Variants in TNPO1 observed in about 807,000 individuals in gnomAD.
The protein encoded by TNPO1 is transportin 1.
Under a neutral mutation model 119.5 loss-of-function variants are expected in TNPO1, and 8 were observed. That is an observed-to-expected ratio of 0.07 (90% CI 0.04 to 0.12). TNPO1 has a LOEUF of 0.12. Among genes scored for constraint, TNPO1 ranks in the 10% least tolerant of loss-of-function variants. The pLI is 1.00. For missense variants in TNPO1, 576 were observed against 1,089.8 expected, an observed-to-expected ratio of 0.53 and a Z score of 6.64; for synonymous variants, 362 against 363.0, an observed-to-expected ratio of 1.00 and a Z score of 0.03.
intron 1 of TNPO1, 176 bp from the exon 2 acceptor site, chr5:72,848,209 C>T (rs1745232293): frequency 7.3e-6 from 9 of 1,240,894 alleles, no homozygotes; most frequent in Non-Finnish European, 9.1e-6. Flanking sequence ...GCAGTTCCGC[C>T]GGGTTTCACT....
intron 6 of TNPO1, among the ~76,000 whole-genome samples, chr5:72,868,364 G>A (rs937389101): frequency 5.0e-5 from 7 of 139,172 alleles, no homozygotes; most frequent in African/African-American, 1.6e-4. Flanking sequence ...CCTGGGAGAC[G>A]GAGCTTGCAG....
rs944424967 is a variant in TNPO1, at chr5:72,912,327, C to A, written c.*3654C>A. 6.6e-6 allele frequency: 1 copy of A among 152,366 alleles called. No homozygotes were observed. Among genetic ancestry groups the A allele is most frequent in the African/African-American group, 2.4e-5 (1 of 41,394 alleles). 9.4% of individuals were successfully genotyped at this position (152,366 alleles called of 1,614,324 possible). A position where few individuals can be genotyped will look rare whatever the true frequency, so the allele number is the denominator to read the frequency against. ...TTTTGGTTAAGACTTTTTCATTGAT[C>A]TGAATTGCTTAAATTGCATATATTG... is the stretch of plus-strand genomic sequence containing the variant. On this transcript the variant is annotated 3_prime_UTR_variant, in exon 25 of 25. Transcript: ENST00000337273.
chr5:72,864,671 C>T (rs184586737), intron 5 of TNPO1, among the ~76,000 whole-genome samples: 13 of 151,978 alleles, frequency 8.6e-5, no homozygotes, highest in Admixed American at 2.6e-4. Flanking sequence ...TGCAGTGGTG[C>T]CATCTCGGCC....
rs752256428 is a variant in TNPO1 at position 72,887,144 on chromosome 5, C to G, written c.1225C>G (p.Leu409Val). 5.0e-6 allele frequency: 8 copies of G among 1,613,902 alleles called. No homozygotes were observed. The highest frequency in any genetic ancestry group is 1.3e-5 in the African/African-American group (1 of 75,010). The part of the protein sequence containing the change: ...RDELLPHILP[L>V]LKELLFHHEW... Reference sequence around the variant, plus strand: ...TGAACTGCTGCCACATATTTTGCCCCTTTTGAAAGAATTACTTTTTCATCA... The same window carrying G: ...TGAACTGCTGCCACATATTTTGCCCGTTTTGAAAGAATTACTTTTTCATCA... Residue 409 changes from leucine (L) to valine (V), a missense_variant, in exon 12 of 25, where the codon CTT becomes GTT. Physicochemically the swap from Leu to Val is conservative, Grantham distance 32 (BLOSUM62 1). Transcript: ENST00000337273.
chr5:72,905,867 A>T (rs1346882234), intron 24 of TNPO1, among the ~76,000 whole-genome samples: 4 of 152,238 alleles, frequency 2.6e-5, no homozygotes, highest in African/African-American at 9.6e-5. Context: ...AGTGCACTCC[A>T]GCCTAGGGGA....
In TNPO1 at chr5:72,911,188, T is replaced by C. The variant is rs1373111973; in HGVS notation, c.*2515T>C. 6.6e-6 allele frequency: 1 copy of C among 152,098 alleles called. No homozygotes were observed. Among genetic ancestry groups the C allele is most frequent in the Non-Finnish European group, 1.5e-5 (1 of 67,948 alleles). 9.4% of individuals were successfully genotyped at this position (152,098 alleles called of 1,614,324 possible). ...AACACATAACAATCTTCAGTAAAGT[T>C]ATTTGAACCTGTGGTTGACAATTCT... On this transcript the variant is annotated 3_prime_UTR_variant, in exon 25 of 25. Transcript: ENST00000337273.
intron 12 of TNPO1, among the ~76,000 whole-genome samples, 160 bp downstream of exon 12, chr5:72,887,382 G>A (rs1748728715): frequency 6.6e-6 from 1 of 152,122 alleles, no homozygotes; most frequent in Admixed American, 6.5e-5. Context: ...TTTGCAAAAT[G>A]TTTTTGTTAT....
chr5:72,883,119 G>A lies in TNPO1; in HGVS notation c.1037G>A (p.Arg346His), dbSNP rs1748369842. 3.1e-6 allele frequency: 5 copies of A among 1,613,900 alleles called. No homozygotes were observed. Among genetic ancestry groups the A allele is most frequent in the East Asian group, 2.2e-5 (1 of 44,894 alleles). The change falls in exon 11 of 25, where the codon CGT becomes CAT. Residue 346 changes from arginine to histidine, a missense_variant. Transcript: ENST00000337273. ...IPDSEQDIRP[R>H]FHRSRTVAQQ... The stretch of plus-strand genomic sequence containing the variant: ...GATAGTGAACAGGATATACGGCCAC[G>A]TTTTCACCGATCGAGGACGGTGGCT...
At chr5:72,839,263 AT>A (rs1744815023) in intron 1 of TNPO1, among the ~76,000 whole-genome samples, 1 of 152,176 alleles carries the variant, frequency 6.6e-6, no homozygotes. Context: ...GTGTAGGCTT[AT>A]TAGAAGAGTT....
intron 5 of TNPO1, among the ~76,000 whole-genome samples, chr5:72,864,644 T>C (rs1035391177): frequency 6.6e-6 from 1 of 152,190 alleles, no homozygotes; most frequent in South Asian, 2.1e-4. Context: ...AGTTTTGCTT[T>C]GTCACCCAGG....
intron 4 of TNPO1, among the ~76,000 whole-genome samples, chr5:72,859,253 T>C (rs1580407934): frequency 6.6e-6 from 1 of 152,154 alleles, no homozygotes. Flanking sequence ...AATTCTTTGT[T>C]GTTGGGCTAT....
In TNPO1 at chr5:72,883,414, C is replaced by G. The variant is rs527774309; in HGVS notation, c.1150+182C>G. The stretch of plus-strand genomic sequence containing the variant: ...AGACTATGTTTTCATCACCCATACC[C>G]TTTAGCAGTAACTCCCTATTGTTCA... On this transcript the variant is annotated intron_variant, in intron 11 of 24. Transcript: ENST00000337273. 2.1e-4 allele frequency among the ~76,000 whole-genome samples: 32 copies of G among 152,324 alleles called. No homozygotes were observed. In the South Asian group the frequency reaches 5.0e-3, roughly 24 times the overall value.
intron 1 of TNPO1, among the ~76,000 whole-genome samples, chr5:72,821,393 A>G (rs1743951044): frequency 6.6e-6 from 1 of 152,200 alleles, no homozygotes; most frequent in African/African-American, 2.4e-5. Flanking sequence ...CAAATCATGA[A>G]TATACTAAAT....
At chr5:72,865,573 T>C in intron 5 of TNPO1, 23 bp from the exon 6 acceptor site, 1 of 1,603,784 alleles carries the variant, frequency 6.2e-7, no homozygotes, top group Non-Finnish European at 8.5e-7. Context: ...CAAATTCTGA[T>C]AATTTAAATG....
At chr5:72,839,954 G>C (rs1261408612) in intron 1 of TNPO1, among the ~76,000 whole-genome samples, 1 of 151,890 alleles carries the variant, frequency 6.6e-6, no homozygotes, top group African/African-American at 2.4e-5. Flanking sequence ...TATCTGGGAG[G>C]TGTTACTCCT....
chr5:72,849,799 T>C (rs1294643955), intron 2 of TNPO1, among the ~76,000 whole-genome samples: 1 of 152,176 alleles, frequency 6.6e-6, no homozygotes, highest in African/African-American at 2.4e-5. Context: ...TCTTAATTTG[T>C]GTTGTCATAG....
At chr5:72,856,623 C>T (rs1580402997) in intron 4 of TNPO1, among the ~76,000 whole-genome samples, 1 of 152,116 alleles carries the variant, frequency 6.6e-6, no homozygotes, top group African/African-American at 2.4e-5. Context: ...TATGAAAAAC[C>T]TAAGTGTATA....
intron 1 of TNPO1, chr5:72,848,147 T>TCGGCGGCCG: frequency 8.3e-7 from 1 of 1,207,282 alleles, no homozygotes; most frequent in Non-Finnish European, 1.0e-6. Flanking sequence ...CTCCTTGCGC[T>TCGGCGGCCG]CGGCGGCCGC....
chr5:72,857,132 A>G, intron 4 of TNPO1, among the ~76,000 whole-genome samples: 1 of 152,060 alleles, frequency 6.6e-6, no homozygotes, highest in Middle Eastern at 3.2e-3. Context: ...CCAGCCTGAC[A>G]TGGTAAAACC....
Sources: allele counts gnomAD v4.1 joint callset (sites outside exome capture counted in the v4.1 genomes callset), GRCh38; gene constraint gnomAD v4.1.1; transcripts MANE v1.5; gene names NCBI Gene and HGNC (gene_info 2026-07-23, HGNC 2026-07-21).